The following COL2A1 variants were observed in gnomAD, a reference collection of about 807,000 sequenced individuals.
The protein encoded by COL2A1 is collagen type II alpha 1 chain.
COL2A1 carries 28 observed loss-of-function variants against 204.5 expected under a neutral mutation model. That is an observed-to-expected ratio of 0.14 (90% CI 0.10 to 0.19). COL2A1 has a LOEUF of 0.19. Among genes scored for constraint, COL2A1 ranks in the 10% least tolerant of loss-of-function variants. The pLI is 1.00. For missense variants in COL2A1, 1,388 were observed against 2,027.5 expected (o/e 0.68, Z 6.06); for synonymous variants, 708 against 718.7 (o/e 0.99, Z 0.24).
chr12:47,975,939 C>A, intron 50 of COL2A1, 24 bp downstream of exon 50: 1 of 1,570,350 alleles, frequency 6.4e-7, no homozygotes, highest in Non-Finnish European at 8.8e-7. Context: ...ACCTCGACAG[C>A]AGGGAAGGAG....
At chr12:47,986,555 G>GT (rs1053271217) in intron 22 of COL2A1, 112 bp from the exon 23 acceptor site, 11 of 766,286 alleles carry the variant, frequency 1.4e-5, no homozygotes, top group South Asian at 4.7e-5. Flanking sequence ...GGCTGGGGGG[G>GT]GGCTTGAGGA....
rs770820582 is a variant in COL2A1 at position 47,976,842 on chromosome 12, G to A, written c.3405C>T (p.Phe1135=). Residue 1135 remains phenylalanine (F), a synonymous_variant, in exon 48 of 54, where the codon TTC becomes TTT. Transcript: ENST00000380518. The surrounding 1 kb of genome is among the most constrained non-coding windows in gnomAD (Gnocchi z 4.3). ...GGCCGGGCAGACCCTGCAGACCAGT[G>A]AAGCCACGGTGTCCCTTCAGGCCTC... ...GERGLKGHRG[F]TGLQGLPGPP... is the part of the protein sequence containing the mutation. The A allele has an allele frequency of 6.2e-7, 1 of 1,613,488 alleles. No homozygotes were observed. The highest frequency in any genetic ancestry group is 2.2e-5 in the East Asian group (1 of 44,862).
At chr12:47,996,928 C>T (rs1045710052) in intron 7 of COL2A1, among the ~76,000 whole-genome samples, 1 of 152,114 alleles carries the variant, frequency 6.6e-6, no homozygotes, top group Non-Finnish European at 1.5e-5. Flanking sequence ...TGTTATTTAA[C>T]GTATATGGAG....
intron 16 of COL2A1, among the ~76,000 whole-genome samples, chr12:47,990,464 C>T (rs1939651693): frequency 6.6e-6 from 1 of 152,234 alleles, no homozygotes; most frequent in Admixed American, 6.5e-5. Flanking sequence ...GGACTCAGTG[C>T]TTCCTGCCTG....
chr12:47,998,651 C>T (rs1256109665), intron 2 of COL2A1: 1 of 561,994 alleles, frequency 1.8e-6, no homozygotes, highest in Non-Finnish European at 3.2e-6. Context: ...GTGACCCAGA[C>T]TTTGTTATTC....
intron 52 of COL2A1, 83 bp downstream of exon 52, chr12:47,974,592 G>C: frequency 6.8e-7 from 1 of 1,477,808 alleles, no homozygotes; most frequent in Non-Finnish European, 9.4e-7. Context: ...TATGGGGAAG[G>C]TGCTAAAAGC....
chr12:47,974,047 G>A (rs1473355448), intron 53 of COL2A1, 42 bp downstream of exon 53: 1 of 1,614,012 alleles, frequency 6.2e-7, no homozygotes, highest in Non-Finnish European at 8.5e-7. Flanking sequence ...GCTCCAGGCG[G>A]TTTGGGCACA....
In COL2A1 at chr12:47,985,592, G is replaced by T. The variant is rs1028818348; in HGVS notation, c.1681-5C>A. The T allele has an allele frequency of 6.8e-6, 11 of 1,614,008 alleles. No homozygotes were observed. The highest frequency in any genetic ancestry group is 9.3e-6 in the Non-Finnish European group (11 of 1,180,006). On this transcript the variant is annotated splice_polypyrimidine_tract_variant and splice_region_variant and intron_variant, in intron 25 of 53. Transcript: ENST00000380518. ...ACCAGGGCGGCCAGTGAGACCCTTT[G>T]TTCAGGAGAGAGAAGAGGGTGGGGT...
At position 47,975,434 on chromosome 12, in the gene COL2A1, C is replaced by T; in HGVS notation, c.3769G>A (p.Ala1257Thr). ...TGGTTGTTGAGGGACTTGAGTGTGGCATCCACCTCGGCGTCATGCTGTCTC... is the reference window on the plus strand; with the variant it reads ...TGGTTGTTGAGGGACTTGAGTGTGGTATCCACCTCGGCGTCATGCTGTCTC... ...GLRQHDAEVD[A>T]TLKSLNNQIE... The change falls in exon 51 of 54, where the codon GCC becomes ACC. Residue 1257 changes from alanine to threonine, a missense_variant. Around this residue, in one of 3 missense-constraint regions of COL2A1, gnomAD observed 303 missense variants for 369.2 expected, o/e 0.82. Coordinates refer to ENST00000380518, the MANE Select transcript of COL2A1 (RefSeq NM_001844.5). 1.2e-6 allele frequency: 2 copies of T among 1,614,170 alleles called. No homozygotes were observed. The highest frequency in any genetic ancestry group is 1.7e-6 in the Non-Finnish European group (2 of 1,180,022).
chr12:47,980,828 C>G lies in COL2A1; in HGVS notation c.2517+87G>C, dbSNP rs983953569. 3.3e-6 allele frequency: 5 copies of G among 1,493,870 alleles called. No individual in the cohort carries two copies. In the African/African-American group the frequency reaches 7.0e-5, roughly 21 times the overall value. The allele number at this position is 1,493,870 out of a possible 1,614,324, so 92.5% of individuals were successfully genotyped here. A position where few individuals can be genotyped will look rare whatever the true frequency, so the allele number is the denominator to read the frequency against. On this transcript the variant is annotated intron_variant, in intron 38 of 53. Transcript: ENST00000380518. This position sits in a 1 kb window ranked among gnomAD's most constrained non-coding sequence, Gnocchi z 4.5. ...GGAGAGGAGAGGAGCATCCATTTCC[C>G]TCCCTGACAAGCTCCGATGCCCGAG...
intron 14 of COL2A1, 128 bp from the exon 15 acceptor site, chr12:47,993,630 A>C: frequency 9.2e-7 from 1 of 1,089,524 alleles, no homozygotes; most frequent in East Asian, 2.4e-5. Context: ...CCTGTGAGGG[A>C]CAATGCCCTG....
chr12:47,996,757 G>T, intron 7 of COL2A1, 132 bp from the exon 8 acceptor site: 1 of 814,522 alleles, frequency 1.2e-6, no homozygotes, highest in South Asian at 1.3e-5. Context: ...ACCTATCATT[G>T]ATCAGAATTA....
chr12:47,986,537 T>C, intron 22 of COL2A1, 94 bp from the exon 23 acceptor site: 2 of 784,736 alleles, frequency 2.5e-6, no homozygotes, highest in Non-Finnish European at 4.2e-6. Context: ...CCTTGGCAAC[T>C]GTTTCAGGGC....
Position 47,981,788 on chromosome 12 carries a change from A to G in COL2A1, c.2397T>C (p.Ala799=), listed in dbSNP as rs1482406399. The change falls in exon 36 of 54, where the codon GCT becomes GCC. Residue 799 remains alanine (A), a synonymous_variant. Transcript: ENST00000380518. ...GPIGPPGPAG[A]NGEKGEVGPP... ...AGCCGGGACTCACCTTCTCGCCATTAGCACCAGCTGGGCCAGGGGGGCCAA... is the reference window on the plus strand; with the variant it reads ...AGCCGGGACTCACCTTCTCGCCATTGGCACCAGCTGGGCCAGGGGGGCCAA... The G allele has an allele frequency of 6.4e-7, 1 of 1,554,396 alleles. No homozygotes were observed. The highest frequency in any genetic ancestry group is 8.7e-7 in the Non-Finnish European group (1 of 1,148,550).
At chr12:47,981,042 C>T (rs1311954017) in intron 37 of COL2A1, 74 bp from the exon 38 acceptor site, 18 of 1,452,436 alleles carry the variant, frequency 1.2e-5, no homozygotes, top group Non-Finnish European at 1.7e-5. Context: ...CCAAGAGCCC[C>T]TTGGGCCCTG....
At position 47,976,452 on chromosome 12, in the gene COL2A1, T is replaced by G; in HGVS notation, c.3489+62A>C. ...AGAAGCAGCAGCATTTCCCTCCCCATGGGAACACAGGCCCACACTCTCTGA... is the reference window on the plus strand; with the variant it reads ...AGAAGCAGCAGCATTTCCCTCCCCAGGGGAACACAGGCCCACACTCTCTGA... On this transcript the variant is annotated intron_variant, in intron 49 of 53. Transcript: ENST00000380518. The surrounding 1 kb of genome is among the most constrained non-coding windows in gnomAD (Gnocchi z 4.3). 1.3e-6 allele frequency: 2 copies of G among 1,568,048 alleles called. No individual in the cohort carries two copies. Among genetic ancestry groups the G allele is most frequent in the Non-Finnish European group, 1.8e-6 (2 of 1,138,372 alleles).
intron 16 of COL2A1, among the ~76,000 whole-genome samples, chr12:47,992,043 G>A (rs998917986): frequency 2.6e-5 from 4 of 152,206 alleles, no homozygotes; most frequent in African/African-American, 4.8e-5. Flanking sequence ...GTGAGGAGGG[G>A]CCTCAGAGCT....
chr12:47,974,002 G>C, intron 53 of COL2A1, 87 bp downstream of exon 53: 2 of 1,589,924 alleles, frequency 1.3e-6, no homozygotes, highest in Non-Finnish European at 1.7e-6. Flanking sequence ...GTCACTTTAG[G>C]ACCTGACAGC....
chr12:47,977,970 C>G (rs1318126515), intron 44 of COL2A1, 40 bp downstream of exon 44: 1 of 1,554,980 alleles, frequency 6.4e-7, no homozygotes, highest in East Asian at 2.2e-5. Flanking sequence ...CAGGGCCCCT[C>G]TCCCCAATCA....
Sources: allele counts gnomAD v4.1 joint callset (sites outside exome capture counted in the v4.1 genomes callset), GRCh38; gene constraint gnomAD v4.1.1; regional missense constraint gnomAD v4.1.1; non-coding constraint Gnocchi (gnomAD v3.1); transcripts MANE v1.5; gene names NCBI Gene and HGNC (gene_info 2026-07-23, HGNC 2026-07-21).